The following MEP1B variants were observed in gnomAD, a reference collection of about 807,000 sequenced individuals.
The protein encoded by MEP1B is N-benzoyl-L-tyrosyl-P-amino-benzoic acid hydrolase subunit beta.
In MEP1B, 80 loss-of-function variants were observed where a neutral mutation model predicts 84.6. That is an observed-to-expected ratio of 0.95 (90% CI 0.79 to 1.14). MEP1B has a LOEUF of 1.14. Ranked by LOEUF, MEP1B falls within the 50% of genes most tolerant of loss-of-function variation. MEP1B has a pLI of 0.00. For synonymous variants in MEP1B, 273 were observed against 288.1 expected, an observed-to-expected ratio of 0.95 and a Z score of 0.53; for missense variants, 766 against 855.1, an observed-to-expected ratio of 0.90 and a Z score of 1.30.
intron 5 of MEP1B, among the ~76,000 whole-genome samples, chr18:32,198,283 A>G (rs973858416): frequency 2.6e-5 from 4 of 152,150 alleles, no homozygotes; most frequent in South Asian, 2.1e-4. Context: ...ATTCTCCAAG[A>G]CTTTTTGACT....
chr18:32,203,011 G>A lies in MEP1B; in HGVS notation c.368+1G>A, dbSNP rs766328882. On this transcript the variant is annotated splice_donor_variant, in intron 6 of 14. Coordinates refer to ENST00000269202, the MANE Select transcript of MEP1B (RefSeq NM_005925.3). LOFTEE classifies it high-confidence loss of function. ...ATATATCAGTGTTCAAGGGCAGTGG[G>A]TAAGTTGCAGACTTAGTCTTCTAAG... 1.3e-6 allele frequency: 2 copies of A among 1,563,708 alleles called. No homozygotes were observed. Among genetic ancestry groups the A allele is most frequent in the Non-Finnish European group, 1.8e-6 (2 of 1,138,160 alleles).
chr18:32,213,511 C>T lies in MEP1B; in HGVS notation c.1531C>T (p.Arg511Cys), dbSNP rs751683259. ...GGATCAAAATCCTGACATTCGACAGCGTATGTCCAATCAGCGGAGTATAAC... is the reference window on the plus strand; with the variant it reads ...GGATCAAAATCCTGACATTCGACAGTGTATGTCCAATCAGCGGAGTATAAC... Reference protein sequence around the residue: ...LLDQNPDIRQRMSNQRSITTD... With the variant: ...LLDQNPDIRQCMSNQRSITTD... The change falls in exon 11 of 15, where the codon CGT becomes TGT. Residue 511 changes from arginine to cysteine, a missense_variant. Physicochemically the swap from Arg to Cys is radical, Grantham distance 180. Transcript: ENST00000269202. 19 of 1,613,736 alleles carry T rather than the reference C, an allele frequency of 1.2e-5. No individual in the cohort carries two copies. Among genetic ancestry groups the T allele is most frequent in the Middle Eastern group, 1.6e-4 (1 of 6,084 alleles).
rs748934811 is a variant in MEP1B at position 32,210,545 on chromosome 18, G to A, written c.964G>A (p.Gly322Arg). The change falls in exon 10 of 15, where the codon GGG (glycine) becomes AGG (arginine). Residue 322 changes from glycine (G) to arginine (R), a missense_variant. By Grantham distance (125) the Gly-to-Arg change is moderately radical. Transcript: ENST00000269202. ...MHFDSSSVNV[G>R]ATAVLESRTL... is the part of the protein sequence containing the mutation. ...TTTCGATAGCAGCTCTGTAAATGTGGGGGCCACAGCAGTGCTGGAAAGTAG... is the reference window on the plus strand; with the variant it reads ...TTTCGATAGCAGCTCTGTAAATGTGAGGGCCACAGCAGTGCTGGAAAGTAG... 2.5e-6 allele frequency: 4 copies of A among 1,613,930 alleles called. No homozygotes were observed. Among genetic ancestry groups the A allele is most frequent in the Non-Finnish European group, 3.4e-6 (4 of 1,179,868 alleles).
intron 5 of MEP1B, among the ~76,000 whole-genome samples, chr18:32,199,965 A>G: frequency 6.6e-6 from 1 of 152,012 alleles, no homozygotes; most frequent in Admixed American, 6.5e-5. Context: ...TAAAAAACTT[A>G]TTCTCCTAAG....
intron 10 of MEP1B, among the ~76,000 whole-genome samples, chr18:32,212,600 G>C (rs2041039687): frequency 6.6e-6 from 1 of 152,208 alleles, no homozygotes; most frequent in Non-Finnish European, 1.5e-5. Flanking sequence ...GTGATCTAAA[G>C]AGTAGATTGC....
intron 4 of MEP1B, among the ~76,000 whole-genome samples, chr18:32,194,007 A>C (rs2040828144): frequency 6.6e-6 from 1 of 152,268 alleles, no homozygotes; most frequent in South Asian, 2.1e-4. Flanking sequence ...TCCTCTGATC[A>C]GGTGAACTCT....
At chr18:32,207,221 A>C in intron 7 of MEP1B, 31 bp from the exon 8 acceptor site, 1 of 1,452,062 alleles carries the variant, frequency 6.9e-7, no homozygotes. Flanking sequence ...TTTTGTGAAC[A>C]TCAAGTAAAG....
intron 9 of MEP1B, 60 bp from the exon 10 acceptor site, chr18:32,210,441 C>G: frequency 7.0e-7 from 1 of 1,419,222 alleles, no homozygotes; most frequent in Non-Finnish European, 9.8e-7. Context: ...CCACCATTAA[C>G]AAACACACAT....
chr18:32,204,500 T>G, intron 7 of MEP1B, 140 bp downstream of exon 7: 4 of 735,102 alleles, frequency 5.4e-6, no homozygotes, highest in Non-Finnish European at 8.9e-6. Context: ...CTTGAACTCA[T>G]TCTGAGTTAT....
intron 4 of MEP1B, among the ~76,000 whole-genome samples, chr18:32,194,268 T>C (rs1192801569): frequency 6.6e-6 from 1 of 152,172 alleles, no homozygotes; most frequent in Non-Finnish European, 1.5e-5. Flanking sequence ...TCCATTAGCC[T>C]CCTAATTTGT....
At chr18:32,210,818 T>A in intron 10 of MEP1B, 102 bp downstream of exon 10, 1 of 860,090 alleles carries the variant, frequency 1.2e-6, no homozygotes, top group Non-Finnish European at 1.9e-6. Flanking sequence ...GGCTACTGAG[T>A]CACTATACTT....
At chr18:32,209,238 G>A (rs954043535) in intron 9 of MEP1B, among the ~76,000 whole-genome samples, 7 of 152,156 alleles carry the variant, frequency 4.6e-5, no homozygotes, top group East Asian at 1.9e-4. Context: ...TGTAATCCCC[G>A]GCCTTTGGGA....
chr18:32,213,235 G>A lies in MEP1B; in HGVS notation c.1255G>A (p.Asp419Asn), dbSNP rs1386908729. The A allele has an allele frequency of 6.2e-7, 1 of 1,613,970 alleles. No individual in the cohort carries two copies. The highest frequency in any genetic ancestry group is 1.1e-5 in the South Asian group (1 of 91,072). Residue 419 changes from aspartate to asparagine, a missense_variant, in exon 11 of 15, where the codon GAC (aspartate) becomes AAC (asparagine). Asp to Asn is a conservative substitution (Grantham distance 23). Transcript: ENST00000269202. ...ATCACTGGGTGGTCTGTCTATTGATGACATCAATCTTTCGGAAACACGGTG... is the reference window on the plus strand; with the variant it reads ...ATCACTGGGTGGTCTGTCTATTGATAACATCAATCTTTCGGAAACACGGTG... ...GASLGGLSID[D>N]INLSETRCPH...
chr18:32,201,332 A>G (rs2040910328), intron 5 of MEP1B, among the ~76,000 whole-genome samples: 1 of 151,236 alleles, frequency 6.6e-6, no homozygotes, highest in South Asian at 2.1e-4. Context: ...ACACACACAC[A>G]CGGCATACTA....
Position 32,204,268 on chromosome 18 carries a change from A to G in MEP1B, c.455A>G (p.His152Arg). 1.2e-6 allele frequency: 2 copies of G among 1,604,290 alleles called. No homozygotes were observed. The change falls in exon 7 of 15, where the codon CAC (histidine) becomes CGC (arginine). Residue 152 changes from histidine (H) to arginine (R), a missense_variant. Physicochemically the swap from His to Arg is conservative, Grantham distance 29 (BLOSUM62 0). Transcript: ENST00000269202. The stretch of plus-strand genomic sequence containing the variant: ...TGTGACCGAATAGCAACAGTTCAAC[A>G]CGAGTTCCTCCACGCTCTGGGATTC... ...ANCDRIATVQ[H>R]EFLHALGFWH...
chr18:32,196,871 G>A lies in MEP1B; in HGVS notation c.250+1386G>A. On this transcript the variant is annotated intron_variant, in intron 5 of 14. Transcript: ENST00000269202. This position sits in a 1 kb window ranked among gnomAD's most constrained non-coding sequence, Gnocchi z 4.4. ...CTGCGTACTTGCCCATGATGTAGTGGAGGCGGGCAAGGAGGCGCAGGCAGG... is the reference window on the plus strand; with the variant it reads ...CTGCGTACTTGCCCATGATGTAGTGAAGGCGGGCAAGGAGGCGCAGGCAGG... 1 of 500,538 alleles carries A rather than the reference G, an allele frequency of 2.0e-6. No individual in the cohort carries two copies. The highest frequency in any genetic ancestry group is 2.0e-5 in the South Asian group (1 of 49,408). 31.0% of individuals were successfully genotyped at this position (500,538 alleles called of 1,614,324 possible).
intron 5 of MEP1B, among the ~76,000 whole-genome samples, chr18:32,200,898 C>A (rs1028566058): frequency 2.6e-5 from 4 of 152,154 alleles, no homozygotes; most frequent in Non-Finnish European, 4.4e-5. Context: ...GGGAAACAAT[C>A]CTGAACAGCT....
At position 32,204,447 on chromosome 18, in the gene MEP1B, A is replaced by G. The variant is rs912152209; in HGVS notation, c.547+87A>G. On this transcript the variant is annotated intron_variant, in intron 7 of 14. Coordinates refer to ENST00000269202, the MANE Select transcript of MEP1B (RefSeq NM_005925.3). ...CTCTTGTCATCTGTGGCAACTGTTAATAATTTTAAAACTTTGATGTTTTGA... is the reference window on the plus strand; with the variant it reads ...CTCTTGTCATCTGTGGCAACTGTTAGTAATTTTAAAACTTTGATGTTTTGA... 24 of 1,177,050 alleles carry G rather than the reference A, an allele frequency of 2.0e-5. No individual in the cohort carries two copies. The African/African-American group carries it at 2.8e-4, about 14-fold the overall frequency. 72.9% of individuals were successfully genotyped at this position (1,177,050 alleles called of 1,614,324 possible).
In MEP1B at chr18:32,204,241, A is replaced by T; in HGVS notation, c.428A>T (p.Asn143Ile). 8.1e-6 allele frequency: 13 copies of T among 1,605,916 alleles called. No homozygotes were observed. Among genetic ancestry groups the T allele is most frequent in the Non-Finnish European group, 1.1e-5 (13 of 1,176,486 alleles). Residue 143 changes from asparagine (N) to isoleucine (I), a missense_variant, in exon 7 of 15, where the codon AAC becomes ATC. Transcript: ENST00000269202. ...VGKQELSIGA[N>I]CDRIATVQHE... The stretch of plus-strand genomic sequence containing the variant: ...AAGCAAGAACTTTCCATCGGGGCAA[A>T]CTGTGACCGAATAGCAACAGTTCAA...
Sources: gnomAD v4.1 joint callset for allele counts (sites outside exome capture counted in the v4.1 genomes callset) on GRCh38, gnomAD v4.1.1 for gene constraint, Gnocchi (gnomAD v3.1) non-coding constraint, MANE v1.5 for transcripts, NCBI Gene and HGNC (gene_info 2026-07-23, HGNC 2026-07-21) for gene names.